Variants in CLSTN2 observed in about 807,000 individuals in gnomAD.
CLSTN2 encodes calsyntenin 2, also known as calsyntenin-2.
CLSTN2 carries 48 observed loss-of-function variants against 101.2 expected under a neutral mutation model. The observed-to-expected ratio is 0.47, with a 90% CI of 0.38 to 0.60. CLSTN2 has a LOEUF of 0.60. Among genes scored for constraint, CLSTN2 ranks in the 20% least tolerant of loss-of-function variants. CLSTN2 has a pLI of 0.00. For missense variants in CLSTN2, 1,160 were observed against 1,238.2 expected (o/e 0.94, Z 0.95); for synonymous variants, 481 against 463.6 (o/e 1.04, Z -0.48).
chr3:140,434,745 C>T (rs909995243), intron 5 of CLSTN2, among the ~76,000 whole-genome samples: 15 of 152,158 alleles, frequency 9.9e-5, no homozygotes, highest in African/African-American at 3.1e-4. Context: ...CTTCTGTCAA[C>T]GTTGTGGCTG....
At chr3:139,960,855 G>A (rs1935495933) in intron 1 of CLSTN2, among the ~76,000 whole-genome samples, 1 of 152,170 alleles carries the variant, frequency 6.6e-6, no homozygotes, top group African/African-American at 2.4e-5. Flanking sequence ...AAAGACTCTC[G>A]TGAAACACAT....
At chr3:140,528,421 C>T (rs1456591397) in intron 8 of CLSTN2, among the ~76,000 whole-genome samples, 1 of 152,220 alleles carries the variant, frequency 6.6e-6, no homozygotes, top group African/African-American at 2.4e-5. Flanking sequence ...TCTACCTCAA[C>T]AGGGTTAACA....
chr3:140,304,942 G>A (rs1365840436), intron 2 of CLSTN2, among the ~76,000 whole-genome samples: 1 of 152,010 alleles, frequency 6.6e-6, no homozygotes, highest in Non-Finnish European at 1.5e-5. Context: ...ATTGTCCAAT[G>A]CCCTGAATGT....
At chr3:140,214,226 G>A (rs1161792505) in intron 2 of CLSTN2, among the ~76,000 whole-genome samples, 1 of 152,016 alleles carries the variant, frequency 6.6e-6, no homozygotes, top group Non-Finnish European at 1.5e-5. Flanking sequence ...GATCACTTGA[G>A]GTCAAGAGTT....
intron 2 of CLSTN2, among the ~76,000 whole-genome samples, chr3:140,217,078 T>C (rs568570230): frequency 6.6e-6 from 1 of 152,156 alleles, no homozygotes; most frequent in South Asian, 2.1e-4. Flanking sequence ...CCCAGTGATG[T>C]GACTCCAGGG....
At chr3:140,099,005 G>A (rs1275131114) in intron 1 of CLSTN2, among the ~76,000 whole-genome samples, 1 of 152,170 alleles carries the variant, frequency 6.6e-6, no homozygotes, top group East Asian at 1.9e-4. Context: ...CATGGATGGA[G>A]GTGGAGAGCC....
intron 2 of CLSTN2, among the ~76,000 whole-genome samples, chr3:140,362,691 T>A (rs1340767085): frequency 1.3e-5 from 2 of 152,194 alleles, no homozygotes; most frequent in African/African-American, 4.8e-5. Context: ...GATATAAGGA[T>A]GTTCAATAAG....
At chr3:140,030,532 G>A (rs1439406703) in intron 1 of CLSTN2, among the ~76,000 whole-genome samples, 1 of 152,112 alleles carries the variant, frequency 6.6e-6, no homozygotes, top group Non-Finnish European at 1.5e-5. Context: ...CACTCACTAG[G>A]CAGGTGGTAG....
intron 1 of CLSTN2, among the ~76,000 whole-genome samples, chr3:140,029,458 G>T (rs952097636): frequency 2.6e-4 from 39 of 152,232 alleles, no homozygotes; most frequent in Admixed American, 2.2e-3. Context: ...CAGCTGATAC[G>T]GATGTCTGCC....
chr3:140,448,670 G>A lies in CLSTN2; in HGVS notation c.939G>A (p.Glu313=). The part of the protein sequence containing the change: ...TNYIGKGCDR[E]TYSEKSLQKL... ...ACATTGGGAAGGGTTGTGACCGGGA[G>A]ACCTACTCTGAGAAATCCCTTCAAA... The change falls in exon 6 of 17, where the codon GAG becomes GAA. Residue 313 remains glutamate (E), a synonymous_variant. Transcript: ENST00000458420. 1.2e-6 allele frequency: 2 copies of A among 1,613,878 alleles called. No individual in the cohort carries two copies. The highest frequency in any genetic ancestry group is 2.7e-5 in the African/African-American group (2 of 75,048).
rs181305862 is a variant in CLSTN2, at chr3:140,322,284, T to A, written c.233-81345T>A. Among the ~76,000 whole-genome samples, 201 of 152,356 alleles carry A rather than the reference T, an allele frequency of 1.3e-3. 1 individual carries two copies. Among genetic ancestry groups the A allele is most frequent in the African/African-American group, 4.8e-3 (198 of 41,578 alleles). On this transcript the variant is annotated intron_variant, in intron 2 of 16. Coordinates refer to ENST00000458420, the MANE Select transcript of CLSTN2 (RefSeq NM_022131.3). ...GAGATGGAAACCAACACAGAGTTAT[T>A]TTCTTGTGCATCATTTGGGAGTCAT... is the stretch of plus-strand genomic sequence containing the variant.
intron 4 of CLSTN2, among the ~76,000 whole-genome samples, chr3:140,413,017 T>C (rs995030398): frequency 2.0e-5 from 3 of 151,888 alleles, no homozygotes; most frequent in Non-Finnish European, 4.4e-5. Context: ...AAACCCTAAA[T>C]TAGTAAAAGG....
At chr3:140,116,840 G>A (rs114629304) in intron 1 of CLSTN2, among the ~76,000 whole-genome samples, 2,554 of 152,228 alleles carry the variant, frequency 0.017, 83 homozygotes, top group African/African-American at 0.056. Flanking sequence ...TCCCTTCTAA[G>A]CACCCATACA....
At chr3:140,337,218 T>A (rs1445706036) in intron 2 of CLSTN2, among the ~76,000 whole-genome samples, 1 of 152,234 alleles carries the variant, frequency 6.6e-6, no homozygotes, top group Non-Finnish European at 1.5e-5. Context: ...TAGCTTCCAC[T>A]ACAGAAATTC....
intron 1 of CLSTN2, among the ~76,000 whole-genome samples, chr3:140,118,158 C>T (rs2009277885): frequency 6.6e-6 from 1 of 151,688 alleles, no homozygotes; most frequent in South Asian, 2.1e-4. Context: ...CTGCAAACAG[C>T]CATCTGCAAG....
chr3:140,328,316 C>A (rs1234299047), intron 2 of CLSTN2, among the ~76,000 whole-genome samples: 2 of 152,148 alleles, frequency 1.3e-5, no homozygotes. Context: ...CTTAAGCTGT[C>A]TTGTTCATTT....
intron 1 of CLSTN2, among the ~76,000 whole-genome samples, chr3:140,113,208 C>T (rs2009183811): frequency 1.3e-5 from 2 of 152,218 alleles, no homozygotes; most frequent in Non-Finnish European, 2.9e-5. Flanking sequence ...CCTGCCCTCG[C>T]AAGAGAGCCA....
chr3:140,449,250 C>T (rs148474501), intron 6 of CLSTN2, among the ~76,000 whole-genome samples: 3 of 152,302 alleles, frequency 2.0e-5, no homozygotes, highest in Non-Finnish European at 4.4e-5. Flanking sequence ...CAAGTAAACA[C>T]AACTAAGCCT....
At chr3:140,038,108 T>C (rs559299557) in intron 1 of CLSTN2, among the ~76,000 whole-genome samples, 5 of 152,196 alleles carry the variant, frequency 3.3e-5, no homozygotes, top group Non-Finnish European at 5.9e-5. Flanking sequence ...TCTAGGTCTT[T>C]GAGGAATCAC....
Sources: allele counts gnomAD v4.1 joint callset (sites outside exome capture counted in the v4.1 genomes callset), GRCh38; gene constraint gnomAD v4.1.1; transcripts MANE v1.5; gene names NCBI Gene and HGNC (gene_info 2026-07-23, HGNC 2026-07-21).